VSTM5: variants seen among roughly 807,000 people sequenced by gnomAD.
VSTM5 encodes V-set and transmembrane domain-containing protein 5.
In VSTM5, 21 loss-of-function variants were observed where a neutral mutation model predicts 20.3. That is an observed-to-expected ratio of 1.03 (90% CI 0.73 to 1.49). The LOEUF is 1.49. Among genes scored for constraint, VSTM5 ranks in the 40% most tolerant of loss-of-function variants. The pLI, the probability that VSTM5 is intolerant of heterozygous loss-of-function variation, is 0.00. For missense variants in VSTM5, 219 were observed against 250.0 expected (o/e 0.88, Z 0.84); for synonymous variants, 100 against 102.5 (o/e 0.98, Z 0.14).
chr11:93,822,729 A>T (rs955304196), intron 1 of VSTM5, among the ~76,000 whole-genome samples: 5 of 151,036 alleles, frequency 3.3e-5, no homozygotes, highest in African/African-American at 1.2e-4. Context: ...GCCTCAATTG[A>T]TCTGCCTTCT....
intron 1 of VSTM5, chr11:93,827,800 G>A (rs531204630): frequency 3.3e-5 from 5 of 150,794 alleles, no homozygotes; most frequent in East Asian, 3.9e-4. Flanking sequence ...AAGGAAAGAC[G>A]TCTGTGATGT....
At position 93,832,520 on chromosome 11, in the gene VSTM5, T is replaced by C. The variant is rs987319943; in HGVS notation, c.92-11197A>G. Among the ~76,000 whole-genome samples the C allele has an allele frequency of 2.9e-5, 4 of 139,850 alleles. No homozygotes were observed. In the East Asian group the frequency reaches 8.5e-4, roughly 30 times the overall value. 91.7% of individuals were successfully genotyped at this position (139,850 alleles called of 152,430 possible). A position where few individuals can be genotyped will look rare whatever the true frequency, so the allele number is the denominator to read the frequency against. On this transcript the variant is annotated intron_variant, in intron 1 of 3. Transcript: ENST00000409977. ...TCTATACTTTTTTGAACAATAGTAA[T>C]ATTTTAGCAAGTTTGTGAATTACTT...
At chr11:93,847,227 G>A (rs1944421384) in intron 1 of VSTM5, among the ~76,000 whole-genome samples, 2 of 152,156 alleles carry the variant, frequency 1.3e-5, no homozygotes, top group Admixed American at 1.3e-4. Flanking sequence ...ACGGCCCACG[G>A]CAACATAGTA....
At chr11:93,842,170 T>A (rs1458444311) in intron 1 of VSTM5, among the ~76,000 whole-genome samples, 1 of 152,362 alleles carries the variant, frequency 6.6e-6, no homozygotes, top group Non-Finnish European at 1.5e-5. Flanking sequence ...TCTTTGAAGA[T>A]GCACAGGCTT....
intron 1 of VSTM5, among the ~76,000 whole-genome samples, chr11:93,831,051 G>A (rs985258302): frequency 4.6e-5 from 7 of 151,712 alleles, no homozygotes; most frequent in Non-Finnish European, 8.8e-5. Flanking sequence ...GTGCCATCAC[G>A]CCTGGTAGTT....
intron 1 of VSTM5, among the ~76,000 whole-genome samples, chr11:93,824,035 G>A (rs1274319610): frequency 6.6e-6 from 1 of 151,938 alleles, no homozygotes; most frequent in Admixed American, 6.6e-5. Flanking sequence ...AGCCTCCCGA[G>A]TAGCTGGGAT....
chr11:93,825,554 C>T (rs748881600), intron 1 of VSTM5, among the ~76,000 whole-genome samples: 1 of 152,134 alleles, frequency 6.6e-6, no homozygotes, highest in Non-Finnish European at 1.5e-5. Flanking sequence ...GTAATATGGA[C>T]GTTTTAACGA....
At position 93,820,390 on chromosome 11, in the gene VSTM5, CT is replaced by C; in HGVS notation, c.*178del. 2 of 652,640 alleles carry C rather than the reference CT, an allele frequency of 3.1e-6. No homozygotes were observed. The highest frequency in any genetic ancestry group is 5.3e-6 in the Non-Finnish European group (2 of 380,142). The allele number at this position is 652,640 out of a possible 1,614,324, so 40.4% of individuals were successfully genotyped here. ...CTTGAACTTAGCGCGAGTCCTAATA[CT>C]AGCTTTGTCCCATCCACAGTCCTCA... On this transcript the variant is annotated 3_prime_UTR_variant, in exon 4 of 4. Coordinates refer to ENST00000409977, the MANE Select transcript of VSTM5 (RefSeq NM_001144871.2).
intron 1 of VSTM5, among the ~76,000 whole-genome samples, chr11:93,826,620 C>T (rs1047367279): frequency 1.3e-5 from 2 of 151,896 alleles, no homozygotes; most frequent in African/African-American, 2.4e-5. Context: ...AGGATGGTCT[C>T]GATCTCCTGA....
rs1382299445 is a variant in VSTM5, at chr11:93,850,505, G to A, written c.-3C>T. 1.3e-6 allele frequency: 2 copies of A among 1,548,150 alleles called. No individual in the cohort carries two copies. Among genetic ancestry groups the A allele is most frequent in the Non-Finnish European group, 8.7e-7 (1 of 1,145,856 alleles). On this transcript the variant is annotated 5_prime_UTR_variant, in exon 1 of 4. Coordinates refer to ENST00000409977, the MANE Select transcript of VSTM5 (RefSeq NM_001144871.2). ...CTCCCGCTGGGCAGAGGCCTCATGG[G>A]CGAGCCCGGGGCCTCGCGGGCCGGG...
intron 1 of VSTM5, 50 bp downstream of exon 1, chr11:93,850,362 C>G (rs1944449091): frequency 3.3e-6 from 5 of 1,512,104 alleles, no homozygotes; most frequent in Admixed American, 2.0e-5. Context: ...GCCCGTGCCC[C>G]CCTACCCATT....
intron 1 of VSTM5, chr11:93,821,627 T>G (rs1307063609): frequency 2.7e-6 from 1 of 365,692 alleles, no homozygotes; most frequent in Non-Finnish European, 5.0e-6. Context: ...TCTCCCAGTA[T>G]ATGGGGAGCC....
At chr11:93,840,999 C>T (rs1944365935) in intron 1 of VSTM5, among the ~76,000 whole-genome samples, 1 of 152,188 alleles carries the variant, frequency 6.6e-6, no homozygotes, top group Non-Finnish European at 1.5e-5. Flanking sequence ...GGCAAGGAAC[C>T]TAAGGCCAAT....
chr11:93,833,607 T>G (rs1591399799), intron 1 of VSTM5, among the ~76,000 whole-genome samples: 1 of 152,174 alleles, frequency 6.6e-6, no homozygotes, highest in Non-Finnish European at 1.5e-5. Flanking sequence ...CATGTGAGCC[T>G]TGCATTATAT....
At chr11:93,838,076 G>C (rs1421925073) in intron 1 of VSTM5, among the ~76,000 whole-genome samples, 1 of 152,162 alleles carries the variant, frequency 6.6e-6, no homozygotes, top group Non-Finnish European at 1.5e-5. Flanking sequence ...CAGTGGAGCC[G>C]AAAGACCCAG....
intron 1 of VSTM5, among the ~76,000 whole-genome samples, chr11:93,842,607 G>C (rs1339927708): frequency 1.3e-5 from 2 of 152,250 alleles, no homozygotes; most frequent in Non-Finnish European, 2.9e-5. Flanking sequence ...GGCTGGGTTT[G>C]CCGTCTGCAA....
intron 1 of VSTM5, among the ~76,000 whole-genome samples, chr11:93,847,132 T>G (rs752237883): frequency 3.9e-5 from 6 of 152,160 alleles, no homozygotes; most frequent in Non-Finnish European, 5.9e-5. Flanking sequence ...TTTGTATGTA[T>G]GCAAAAATAT....
intron 1 of VSTM5, among the ~76,000 whole-genome samples, chr11:93,840,447 T>C (rs1236214208): frequency 6.6e-6 from 1 of 152,194 alleles, no homozygotes; most frequent in Non-Finnish European, 1.5e-5. Flanking sequence ...GACCATTTAT[T>C]AGAATTCCTT....
At chr11:93,825,842 C>G (rs1468190848) in intron 1 of VSTM5, among the ~76,000 whole-genome samples, 1 of 150,692 alleles carries the variant, frequency 6.6e-6, no homozygotes, top group Non-Finnish European at 1.5e-5. Flanking sequence ...AATCTTGGCT[C>G]ACTGCAGCCT....
Sources: gnomAD v4.1 joint callset for allele counts (sites outside exome capture counted in the v4.1 genomes callset) on GRCh38, gnomAD v4.1.1 for gene constraint, MANE v1.5 for transcripts, NCBI Gene and HGNC (gene_info 2026-07-23, HGNC 2026-07-21) for gene names.